PDS5B: variants seen among roughly 807,000 people sequenced by gnomAD.
PDS5B encodes PDS5 cohesin associated factor B.
Under a neutral mutation model 184.1 loss-of-function variants are expected in PDS5B, and 51 were observed. That is an observed-to-expected ratio of 0.28 (90% CI 0.22 to 0.35). The LOEUF (loss-of-function observed/expected upper bound fraction) is 0.35. Ranked by LOEUF, PDS5B falls within the 10% of genes least tolerant of loss-of-function variation. PDS5B has a pLI of 1.00. For missense variants in PDS5B, 1,180 were observed against 1,723.3 expected (o/e 0.68, Z 5.58); for synonymous variants, 566 against 569.2 (o/e 0.99, Z 0.08).
At chr13:32,673,105 C>T in intron 7 of PDS5B, 111 bp from the exon 8 acceptor site, 2 of 887,174 alleles carry the variant, frequency 2.3e-6, no homozygotes, top group Non-Finnish European at 1.8e-6. Context: ...TTTTGATATG[C>T]CTAGTTTGAC....
At chr13:32,763,864 G>GC (rs1954494647) in intron 30 of PDS5B, among the ~76,000 whole-genome samples, 1 of 152,168 alleles carries the variant, frequency 6.6e-6, no homozygotes, top group African/African-American at 2.4e-5. Flanking sequence ...TTAGAACTCA[G>GC]CGTAGCTGGA....
chr13:32,635,050 C>T (rs547926599), intron 1 of PDS5B, among the ~76,000 whole-genome samples: 11 of 145,694 alleles, frequency 7.6e-5, no homozygotes, highest in African/African-American at 2.5e-4. Context: ...CTCTTGTCAC[C>T]TAGGCTGGAG....
intron 19 of PDS5B, among the ~76,000 whole-genome samples, chr13:32,723,833 A>G (rs1298187017): frequency 1.3e-5 from 2 of 152,226 alleles, no homozygotes; most frequent in Non-Finnish European, 2.9e-5. Flanking sequence ...ATAGACTAAA[A>G]GATTAGTGTT....
At chr13:32,604,109 T>G (rs2058022723) in intron 1 of PDS5B, among the ~76,000 whole-genome samples, 1 of 152,194 alleles carries the variant, frequency 6.6e-6, no homozygotes, top group South Asian at 2.1e-4. Context: ...CTTCCAACAT[T>G]ATGTTGAATA....
chr13:32,667,995 T>C (rs1291225619), intron 7 of PDS5B, 151 bp downstream of exon 7: 5 of 453,124 alleles, frequency 1.1e-5, no homozygotes, highest in Non-Finnish European at 1.2e-5. Context: ...TTTCTCCTTC[T>C]TAAAATTATT....
At chr13:32,720,635 A>AT (rs1044155348) in intron 19 of PDS5B, among the ~76,000 whole-genome samples, 13 of 150,048 alleles carry the variant, frequency 8.7e-5, no homozygotes, top group South Asian at 2.1e-4. Flanking sequence ...TTATTTTATT[A>AT]TTTTTTTTTA....
In PDS5B at chr13:32,773,275, A is replaced by T; in HGVS notation, c.4259A>T (p.Asp1420Val). ...VDVFQGSSPV[D>V]DIPQEETEEE... ...GTGTTTCAGGGTAGCTCTCCTGTCGATGATATTCCACAGGAAGAAACAGAG... is the reference window on the plus strand; with the variant it reads ...GTGTTTCAGGGTAGCTCTCCTGTCGTTGATATTCCACAGGAAGAAACAGAG... The change falls in exon 34 of 35, where the codon GAT becomes GTT. Residue 1420 changes from aspartate to valine, a missense_variant. By Grantham distance (152) the Asp-to-Val change is radical. Around this residue, in one of 11 missense-constraint regions of PDS5B, gnomAD observed 465 missense variants for 497.8 expected, o/e 0.93. Coordinates refer to ENST00000315596, the MANE Select transcript of PDS5B (RefSeq NM_015032.4). The T allele has an allele frequency of 6.2e-7, 1 of 1,613,396 alleles. No homozygotes were observed. Among genetic ancestry groups the T allele is most frequent in the Non-Finnish European group, 8.5e-7 (1 of 1,179,604 alleles).
intron 25 of PDS5B, among the ~76,000 whole-genome samples, chr13:32,755,115 T>C (rs1034103628): frequency 6.6e-6 from 1 of 152,162 alleles, no homozygotes; most frequent in Admixed American, 6.5e-5. Context: ...TTGACACATA[T>C]ACATGAGGTT....
intron 23 of PDS5B, 81 bp downstream of exon 23, chr13:32,742,808 T>G (rs1180092664): frequency 3.2e-6 from 4 of 1,254,772 alleles, no homozygotes; most frequent in Admixed American, 2.2e-5. Context: ...TGCTGTTTCT[T>G]TTTCTTTTTT....
At chr13:32,669,784 A>G (rs1593384671) in intron 7 of PDS5B, among the ~76,000 whole-genome samples, 2 of 152,172 alleles carry the variant, frequency 1.3e-5, no homozygotes, top group Non-Finnish European at 2.9e-5. Context: ...CTATTTTCTT[A>G]TTTCTCCCTG....
chr13:32,621,094 A>G (rs1295246925), intron 1 of PDS5B, among the ~76,000 whole-genome samples: 4 of 152,238 alleles, frequency 2.6e-5, no homozygotes, highest in Non-Finnish European at 4.4e-5. Context: ...TTTTAAATAC[A>G]TTGCTGAAGT....
intron 1 of PDS5B, among the ~76,000 whole-genome samples, chr13:32,635,586 G>A (rs1452562851): frequency 1.4e-5 from 2 of 140,886 alleles, no homozygotes; most frequent in African/African-American, 5.3e-5. Context: ...TCATGATCTG[G>A]CCGCCTCAAC....
At chr13:32,730,910 C>T (rs1359064895) in intron 19 of PDS5B, among the ~76,000 whole-genome samples, 7 of 152,142 alleles carry the variant, frequency 4.6e-5, no homozygotes, top group Non-Finnish European at 1.0e-4. Flanking sequence ...TATTTGACTT[C>T]CTCTCTTCCT....
At chr13:32,612,781 T>C (rs1227558158) in intron 1 of PDS5B, among the ~76,000 whole-genome samples, 1 of 152,224 alleles carries the variant, frequency 6.6e-6, no homozygotes, top group Non-Finnish European at 1.5e-5. Context: ...CACCATATTA[T>C]GTGGCAGTAA....
chr13:32,771,847 A>G (rs961866564), intron 33 of PDS5B, among the ~76,000 whole-genome samples: 1 of 152,050 alleles, frequency 6.6e-6, no homozygotes, highest in African/African-American at 2.4e-5. Context: ...TAGTTTGTTT[A>G]TATTTGGACA....
In PDS5B at chr13:32,734,374, A is replaced by G. The variant is rs550754502; in HGVS notation, c.2248-798A>G. 2.2e-4 allele frequency among the ~76,000 whole-genome samples: 33 copies of G among 152,256 alleles called. No individual in the cohort carries two copies. In the East Asian group the frequency reaches 5.2e-3, roughly 24 times the overall value. ...TGATATCATTTTATATGAGTATTTG[A>G]AGAGCTTGTTCATTCTTTTATCATG... On this transcript the variant is annotated intron_variant, in intron 20 of 34. Coordinates refer to ENST00000315596, the MANE Select transcript of PDS5B (RefSeq NM_015032.4).
At chr13:32,750,847 C>CTGTGTGTGTGTG (rs71194534) in intron 24 of PDS5B, among the ~76,000 whole-genome samples, 3,947 of 143,426 alleles carry the variant, frequency 0.028, 74 homozygotes, top group African/African-American at 0.032. Context: ...CGGCCTCCCT[C>CTGTGTGTGTGTG]TGTGTGTGTG....
chr13:32,656,822 C>A (rs1950525724), intron 3 of PDS5B, among the ~76,000 whole-genome samples: 1 of 152,144 alleles, frequency 6.6e-6, no homozygotes, highest in African/African-American at 2.4e-5. Context: ...GTCTTGAACT[C>A]CTGGGCTCAA....
intron 17 of PDS5B, 66 bp from the exon 18 acceptor site, chr13:32,706,868 C>A: frequency 1.1e-6 from 1 of 937,694 alleles, no homozygotes; most frequent in Non-Finnish European, 1.7e-6. Flanking sequence ...ATATGTAACA[C>A]AGGATTATTT....
Sources: allele counts gnomAD v4.1 joint callset (sites outside exome capture counted in the v4.1 genomes callset), GRCh38; gene constraint gnomAD v4.1.1; regional missense constraint gnomAD v4.1.1; transcripts MANE v1.5; gene names NCBI Gene and HGNC (gene_info 2026-07-23, HGNC 2026-07-21).